The following CDH2 variants were observed in gnomAD, a reference collection of about 807,000 sequenced individuals.
CDH2 encodes the protein cadherin-2.
Under a neutral mutation model 92.0 loss-of-function variants are expected in CDH2, and 17 were observed. The observed-to-expected ratio is 0.18, with a 90% CI of 0.13 to 0.28. The LOEUF is 0.28. CDH2 is among the 10% of genes least tolerant of loss of function. CDH2 has a pLI of 1.00. For missense variants in CDH2, 862 were observed against 1,133.1 expected, an observed-to-expected ratio of 0.76 and a Z score of 3.44; for synonymous variants, 419 against 415.9, an observed-to-expected ratio of 1.01 and a Z score of -0.09.
rs533063648 is a variant in CDH2, at chr18:28,014,739, A to G, written c.173-830T>C. Among the ~76,000 whole-genome samples, 4 of 152,230 alleles carry G rather than the reference A, an allele frequency of 2.6e-5. No individual in the cohort carries two copies. In the South Asian group the frequency reaches 8.3e-4, roughly 32 times the overall value. ...GCAATGACTTCACACTTAAAAAAAA[A>G]ACAACTACTGCTGTCTTAAATGCTA... On this transcript the variant is annotated intron_variant, in intron 2 of 15. Coordinates refer to ENST00000269141, the MANE Select transcript of CDH2 (RefSeq NM_001792.5).
intron 15 of CDH2, among the ~76,000 whole-genome samples, chr18:27,956,735 T>C (rs1006564139): frequency 6.6e-6 from 1 of 152,042 alleles, no homozygotes; most frequent in Non-Finnish European, 1.5e-5. Context: ...ATGAAAGAGT[T>C]CCCCCGACAA....
chr18:28,077,944 T>G (rs1179365785), intron 2 of CDH2, among the ~76,000 whole-genome samples: 1 of 146,500 alleles, frequency 6.8e-6, no homozygotes, highest in East Asian at 2.0e-4. Context: ...GTGAACATCA[T>G]TAACATTTAA....
intron 14 of CDH2, among the ~76,000 whole-genome samples, chr18:27,970,213 TA>T (rs2011623135): frequency 6.6e-6 from 1 of 152,106 alleles, no homozygotes; most frequent in Non-Finnish European, 1.5e-5. Context: ...TACATTCCTA[TA>T]AAGAGAAACA....
intron 2 of CDH2, among the ~76,000 whole-genome samples, chr18:28,047,176 A>C (rs1490515911): frequency 6.6e-6 from 1 of 152,198 alleles, no homozygotes; most frequent in African/African-American, 2.4e-5. Context: ...GCTGTAGAGA[A>C]GCAACTAAGT....
intron 2 of CDH2, among the ~76,000 whole-genome samples, chr18:28,072,182 T>C (rs2014630780): frequency 6.6e-6 from 1 of 152,070 alleles, no homozygotes; most frequent in Non-Finnish European, 1.5e-5. Context: ...TCCTTATCAG[T>C]CTCTTCTACC....
intron 7 of CDH2, among the ~76,000 whole-genome samples, chr18:27,994,124 C>G (rs1329957070): frequency 2.0e-5 from 3 of 152,190 alleles, no homozygotes. Flanking sequence ...TCTATTATTA[C>G]AGGGTAGATG....
Position 27,990,180 on chromosome 18 carries a change from G to A in CDH2, c.1515C>T (p.Arg505=). ...TACCGGCATGAAGCCCTTCTTCTTG[G>A]CGAATGATCTTAGGATTGGGGGCAA... ...PYFAPNPKII[R]QEEGLHAGTM... is the part of the protein sequence containing the mutation. Residue 505 remains arginine (R), a synonymous_variant, in exon 10 of 16, where the codon CGC becomes CGT. Transcript: ENST00000269141. 1 of 1,614,022 alleles carries A rather than the reference G, an allele frequency of 6.2e-7. No individual in the cohort carries two copies. The highest frequency in any genetic ancestry group is 8.5e-7 in the Non-Finnish European group (1 of 1,179,922).
intron 1 of CDH2, among the ~76,000 whole-genome samples, chr18:28,166,979 G>A (rs545251855): frequency 1.4e-4 from 22 of 152,088 alleles, no homozygotes; most frequent in Admixed American, 9.8e-4. Context: ...AATGGTACCC[G>A]GATACACACA....
intron 2 of CDH2, among the ~76,000 whole-genome samples, chr18:28,014,840 T>C (rs1367493871): frequency 6.6e-6 from 1 of 151,944 alleles, no homozygotes; most frequent in East Asian, 1.9e-4. Context: ...ATTCAAGATG[T>C]AATAAAATAA....
intron 11 of CDH2, 40 bp from the exon 12 acceptor site, chr18:27,985,801 C>T (rs1214001271): frequency 8.5e-7 from 1 of 1,170,170 alleles, no homozygotes. Context: ...CTGAACAGTT[C>T]TCTCCAATGA....
intron 2 of CDH2, among the ~76,000 whole-genome samples, chr18:28,139,026 C>T (rs1480579684): frequency 6.6e-6 from 1 of 152,016 alleles, no homozygotes; most frequent in African/African-American, 2.4e-5. Flanking sequence ...TTGAACACCA[C>T]AAGGCTTTCA....
intron 5 of CDH2, among the ~76,000 whole-genome samples, 153 bp from the exon 6 acceptor site, chr18:28,006,146 A>T (rs575790543): frequency 6.6e-6 from 1 of 152,342 alleles, no homozygotes; most frequent in South Asian, 2.1e-4. Context: ...CACCAAGTCC[A>T]TATAATTAGG....
At chr18:27,972,103 T>A (rs1474234706) in intron 14 of CDH2, among the ~76,000 whole-genome samples, 1 of 152,064 alleles carries the variant, frequency 6.6e-6, no homozygotes, top group African/African-American at 2.4e-5. Context: ...TGTGCCCCCA[T>A]CCTTCTGTCT....
chr18:27,983,596 GA>G (rs913805083), intron 13 of CDH2, among the ~76,000 whole-genome samples: 9 of 152,206 alleles, frequency 5.9e-5, no homozygotes, highest in African/African-American at 2.2e-4. Context: ...TCAGGAATCA[GA>G]TCTTGAGGTT....
chr18:27,967,605 C>A (rs1015256603), intron 14 of CDH2, among the ~76,000 whole-genome samples: 1 of 152,126 alleles, frequency 6.6e-6, no homozygotes, highest in Non-Finnish European at 1.5e-5. Context: ...CAAAGAAATT[C>A]AATTTTCAAA....
At chr18:27,977,005 G>T (rs975413501) in intron 14 of CDH2, among the ~76,000 whole-genome samples, 1 of 152,174 alleles carries the variant, frequency 6.6e-6, no homozygotes, top group Non-Finnish European at 1.5e-5. Flanking sequence ...ATCATTGAAA[G>T]CGATACCGTA....
At chr18:28,034,234 C>T (rs1361621173) in intron 2 of CDH2, among the ~76,000 whole-genome samples, 3 of 151,936 alleles carry the variant, frequency 2.0e-5, no homozygotes, top group East Asian at 1.9e-4. Context: ...ATATCTCATA[C>T]GGCACTAAAA....
chr18:28,152,964 C>T (rs1000766850), intron 1 of CDH2, among the ~76,000 whole-genome samples: 1 of 152,232 alleles, frequency 6.6e-6, no homozygotes, highest in South Asian at 2.1e-4. Context: ...TGCCTTCCCT[C>T]ATGTTTCCAG....
intron 2 of CDH2, among the ~76,000 whole-genome samples, chr18:28,027,761 C>T (rs17493849): frequency 3.2e-4 from 48 of 151,776 alleles, no homozygotes; most frequent in African/African-American, 1.0e-3. Flanking sequence ...CTCTATGCTA[C>T]GAAATATTTC....
Sources: allele counts gnomAD v4.1 joint callset (sites outside exome capture counted in the v4.1 genomes callset), GRCh38; gene constraint gnomAD v4.1.1; transcripts MANE v1.5; gene names NCBI Gene and HGNC (gene_info 2026-07-23, HGNC 2026-07-21).